CPED1: variants seen among roughly 807,000 people sequenced by gnomAD.
The protein encoded by CPED1 is cadherin-like and PC-esterase domain-containing protein 1.
CPED1 carries 114 observed loss-of-function variants against 128.2 expected under a neutral mutation model. The ratio of observed to expected loss-of-function variants is 0.89; its 90% CI spans 0.76 to 1.04. CPED1 has a LOEUF of 1.04. Ranked by LOEUF, CPED1 falls within the 50% of genes least tolerant of loss-of-function variation. CPED1 has a pLI of 0.00. For synonymous variants in CPED1, 462 were observed against 426.7 expected (o/e 1.08, Z -1.02); for missense variants, 1,211 against 1,207.1 (o/e 1.00, Z -0.05).
intron 22 of CPED1, among the ~76,000 whole-genome samples, chr7:121,276,544 T>C (rs1039144255): frequency 2.0e-5 from 3 of 152,126 alleles, no homozygotes; most frequent in Admixed American, 1.3e-4. Flanking sequence ...AAAACCCATA[T>C]TATGAAACAA....
chr7:121,083,278 C>G (rs1309598881), intron 5 of CPED1, among the ~76,000 whole-genome samples: 1 of 152,188 alleles, frequency 6.6e-6, no homozygotes, highest in Admixed American at 6.5e-5. Flanking sequence ...CATGATGAGT[C>G]AGATGTGGGT....
chr7:120,989,731 G>T lies in CPED1; in HGVS notation c.110G>T (p.Gly37Val). 1 of 1,613,812 alleles carries T rather than the reference G, an allele frequency of 6.2e-7. No individual in the cohort carries two copies. Among genetic ancestry groups the T allele is most frequent in the Non-Finnish European group, 8.5e-7 (1 of 1,179,960 alleles). The change falls in exon 2 of 23, where the codon GGG becomes GTG. Residue 37 changes from glycine (G) to valine (V), a missense_variant. By Grantham distance (109) the Gly-to-Val change is moderately radical. Transcript: ENST00000310396. ...CLFYQTLTLRGSRKLTAAAPG... is the reference protein window; with the variant it reads ...CLFYQTLTLRVSRKLTAAAPG... ...TTCTACCAGACTCTGACCCTCCGAG[G>T]GTCGAGGAAGCTCACAGCCGCTGCC...
intron 3 of CPED1, among the ~76,000 whole-genome samples, chr7:121,030,454 T>A (rs573165985): frequency 4.8e-4 from 73 of 152,202 alleles, no homozygotes; most frequent in Non-Finnish European, 9.7e-4. Context: ...CATGAAGAAA[T>A]CTCAAGCTGT....
chr7:121,025,058 C>G (rs1474512925), intron 3 of CPED1, among the ~76,000 whole-genome samples: 1 of 152,090 alleles, frequency 6.6e-6, no homozygotes, highest in East Asian at 1.9e-4. Context: ...TTACTTTCTA[C>G]TCTCAATATT....
chr7:121,231,571 T>G (rs1427335473), intron 16 of CPED1, among the ~76,000 whole-genome samples: 1 of 152,066 alleles, frequency 6.6e-6, no homozygotes, highest in Non-Finnish European at 1.5e-5. Context: ...ATCTTTACAT[T>G]TGTGTGATTT....
intron 5 of CPED1, among the ~76,000 whole-genome samples, chr7:121,094,483 A>G (rs985436918): frequency 6.6e-6 from 1 of 152,232 alleles, no homozygotes; most frequent in African/African-American, 2.4e-5. Context: ...ATTCATTGGA[A>G]TATGATTTTG....
intron 3 of CPED1, among the ~76,000 whole-genome samples, chr7:121,030,169 T>C (rs1043164218): frequency 2.0e-4 from 30 of 152,036 alleles, no homozygotes; most frequent in African/African-American, 7.0e-4. Context: ...ACACACACGA[T>C]AGACACACAC....
intron 16 of CPED1, among the ~76,000 whole-genome samples, chr7:121,227,364 A>T (rs1584613650): frequency 6.6e-6 from 1 of 152,222 alleles, no homozygotes; most frequent in East Asian, 1.9e-4. Context: ...TGCTAGAAAC[A>T]GAAAGATTGT....
intron 16 of CPED1, among the ~76,000 whole-genome samples, chr7:121,200,900 T>C (rs1797380599): frequency 6.6e-6 from 1 of 152,068 alleles, no homozygotes; most frequent in Non-Finnish European, 1.5e-5. Flanking sequence ...CTCTCAGACA[T>C]TCAACCTCAG....
chr7:121,203,275 C>A (rs1584594162), intron 16 of CPED1, among the ~76,000 whole-genome samples: 2 of 152,214 alleles, frequency 1.3e-5, no homozygotes, highest in South Asian at 4.1e-4. Context: ...AATCCCTCCA[C>A]TTTCCTCAGA....
At chr7:121,191,576 G>T (rs578079267) in intron 16 of CPED1, among the ~76,000 whole-genome samples, 2 of 152,200 alleles carry the variant, frequency 1.3e-5, no homozygotes, top group Non-Finnish European at 2.9e-5. Flanking sequence ...GTGGTGGAAT[G>T]CCTGTGGCTT....
intron 2 of CPED1, among the ~76,000 whole-genome samples, chr7:120,996,003 GAGTGGTGGCTCACATCTGTA>G (rs1796397328): frequency 6.7e-6 from 1 of 148,366 alleles, no homozygotes; most frequent in African/African-American, 2.5e-5. Context: ...ATAACTCTGG[GAGTGGTGGCTCACATCTGTA>G]ATCCTAGCAC....
Position 121,007,231 on chromosome 7 carries a change from A to ATTTTT in CPED1, c.250-8420_250-8416dup, listed in dbSNP as rs398006038. Among the ~76,000 whole-genome samples, 38 of 129,818 alleles carry ATTTTT rather than the reference A, an allele frequency of 2.9e-4. 1 individual carries two copies. The highest frequency in any genetic ancestry group is 9.0e-4 in the African/African-American group (31 of 34,268). 85.2% of individuals were successfully genotyped at this position (129,818 alleles called of 152,430 possible). A position where few individuals can be genotyped will look rare whatever the true frequency, so the allele number is the denominator to read the frequency against. On this transcript the variant is annotated intron_variant, in intron 2 of 22. Coordinates refer to ENST00000310396, the MANE Select transcript of CPED1 (RefSeq NM_024913.5). Reference sequence around the variant, plus strand: ...AGCGTTGCGAAACTGTTCAGGTTGCATTTTTTTTTTTTTTTTTTGTCTTGC... The same window carrying ATTTTT: ...AGCGTTGCGAAACTGTTCAGGTTGCATTTTTTTTTTTTTTTTTTTTTTTGTCTTGC...
At chr7:121,103,858 C>G (rs748701911) in intron 7 of CPED1, among the ~76,000 whole-genome samples, 1 of 152,070 alleles carries the variant, frequency 6.6e-6, no homozygotes, top group Admixed American at 6.6e-5. Flanking sequence ...ACAGATATAA[C>G]TATGAGCTCA....
intron 5 of CPED1, 35 bp from the exon 6 acceptor site, chr7:121,097,664 A>C: frequency 6.2e-7 from 1 of 1,610,284 alleles, no homozygotes; most frequent in South Asian, 1.1e-5. Flanking sequence ...AGAAACAATA[A>C]AATGACTGTC....
At chr7:121,238,493 C>T (rs749291396) in intron 17 of CPED1, among the ~76,000 whole-genome samples, 1 of 151,978 alleles carries the variant, frequency 6.6e-6, no homozygotes, top group Non-Finnish European at 1.5e-5. Context: ...TTTTCACCAC[C>T]AGATTCCCAG....
At chr7:121,101,951 A>G (rs777559846) in intron 7 of CPED1, among the ~76,000 whole-genome samples, 3 of 152,134 alleles carry the variant, frequency 2.0e-5, no homozygotes, top group Admixed American at 6.6e-5. Flanking sequence ...GGAGGGGGCA[A>G]ATATCCAAAT....
At chr7:121,211,868 G>A (rs1478065746) in intron 16 of CPED1, among the ~76,000 whole-genome samples, 1 of 152,070 alleles carries the variant, frequency 6.6e-6, no homozygotes, top group Non-Finnish European at 1.5e-5. Flanking sequence ...TCAAATCACA[G>A]CAACAGCATT....
chr7:121,028,244 A>G (rs1792645031), intron 3 of CPED1, among the ~76,000 whole-genome samples: 1 of 152,170 alleles, frequency 6.6e-6, no homozygotes, highest in Admixed American at 6.5e-5. Context: ...AGGTAATGGT[A>G]ATATGCTGGT....
Sources: allele counts gnomAD v4.1 joint callset (sites outside exome capture counted in the v4.1 genomes callset), GRCh38; gene constraint gnomAD v4.1.1; transcripts MANE v1.5; gene names NCBI Gene and HGNC (gene_info 2026-07-23, HGNC 2026-07-21).